The following NRCAM variants were observed in gnomAD, a reference collection of about 807,000 sequenced individuals.
NRCAM encodes NgCAM-related cell adhesion molecule.
A neutral mutation model predicts 156.5 loss-of-function variants in NRCAM; 83 were observed. The ratio of observed to expected loss-of-function variants is 0.53; its 90% CI spans 0.44 to 0.64. The LOEUF (loss-of-function observed/expected upper bound fraction) is 0.64, where lower values mean the gene tolerates loss of function less well. Ranked by LOEUF, NRCAM falls within the 30% of genes least tolerant of loss-of-function variation. The pLI is 0.00. For missense variants in NRCAM, 1,417 were observed against 1,597.3 expected, an observed-to-expected ratio of 0.89 and a Z score of 1.92; for synonymous variants, 538 against 563.9, an observed-to-expected ratio of 0.95 and a Z score of 0.65.
At chr7:108,223,548 T>A (rs2092840653) in intron 11 of NRCAM, among the ~76,000 whole-genome samples, 177 bp downstream of exon 11, 1 of 152,200 alleles carries the variant, frequency 6.6e-6, no homozygotes, top group African/African-American at 2.4e-5. Context: ...ATTAAAAAAA[T>A]TATAACAATA....
chr7:108,444,645 T>G (rs539747295), intron 1 of NRCAM, among the ~76,000 whole-genome samples: 1 of 151,926 alleles, frequency 6.6e-6, no homozygotes, highest in South Asian at 2.1e-4. Flanking sequence ...TGTAGATCTC[T>G]GTCTTCATTT....
intron 20 of NRCAM, among the ~76,000 whole-genome samples, chr7:108,185,423 G>A (rs1164814040): frequency 2.0e-5 from 3 of 152,128 alleles, no homozygotes; most frequent in Non-Finnish European, 4.4e-5. Flanking sequence ...CCACACAATG[G>A]AATACTCTGA....
intron 2 of NRCAM, among the ~76,000 whole-genome samples, chr7:108,347,039 T>TG (rs1182415381): frequency 8.1e-5 from 11 of 135,680 alleles, no homozygotes; most frequent in African/African-American, 2.4e-4. Flanking sequence ...TCTGTTTTTT[T>TG]TTTTTTTTTT....
intron 28 of NRCAM, among the ~76,000 whole-genome samples, chr7:108,171,778 A>G (rs982033227): frequency 1.3e-5 from 2 of 152,176 alleles, no homozygotes; most frequent in African/African-American, 2.4e-5. Context: ...CTTTATACAC[A>G]GCTTCTTAAA....
At chr7:108,337,756 G>GGGAAGCGGCCTGCCACCATCTT (rs1426145967) in intron 2 of NRCAM, among the ~76,000 whole-genome samples, 1 of 151,452 alleles carries the variant, frequency 6.6e-6, no homozygotes, top group East Asian at 1.9e-4. Context: ...GCCACCATCT[G>GGGAAGCGGCCTGCCACCATCTT]GGAAGCGGCC....
In NRCAM at chr7:108,191,721, G is replaced by A. The variant is rs773199557; in HGVS notation, c.1903+8C>T. On this transcript the variant is annotated splice_region_variant and intron_variant, in intron 18 of 32. Coordinates refer to ENST00000379028, the MANE Select transcript of NRCAM (RefSeq NM_001037132.4). ...AGCCAGTTGTGCTATTTTTGTTTTC[G>A]TTCTTACCAACAACGCTAAGCACAG... The A allele has an allele frequency of 5.1e-6, 8 of 1,575,746 alleles. No individual in the cohort carries two copies. The highest frequency in any genetic ancestry group is 1.7e-4 in the Middle Eastern group (1 of 5,900).
intron 30 of NRCAM, among the ~76,000 whole-genome samples, chr7:108,164,540 G>T (rs555818881): frequency 3.5e-5 from 1 of 28,614 alleles, no homozygotes; most frequent in South Asian, 1.4e-3. Flanking sequence ...TCCTTACACC[G>T]CGGAACCGAG....
At chr7:108,335,136 T>G (rs1346258513) in intron 2 of NRCAM, among the ~76,000 whole-genome samples, 1 of 152,154 alleles carries the variant, frequency 6.6e-6, no homozygotes, top group East Asian at 1.9e-4. Context: ...GCAAGAAAAT[T>G]ATGGAGCTGG....
At chr7:108,176,677 C>T (rs1248926531) in intron 26 of NRCAM, 71 bp from the exon 27 acceptor site, 33 of 1,184,236 alleles carry the variant, frequency 2.8e-5, no homozygotes, top group Non-Finnish European at 2.7e-5. Flanking sequence ...TAAATAAATA[C>T]GTCAACTAAA....
chr7:108,441,702 T>C (rs1838701113), intron 1 of NRCAM, among the ~76,000 whole-genome samples: 1 of 152,226 alleles, frequency 6.6e-6, no homozygotes, highest in African/African-American at 2.4e-5. Flanking sequence ...AGCCTCAGTT[T>C]CCTCATCTAT....
chr7:108,361,423 C>G (rs193115308), intron 2 of NRCAM, among the ~76,000 whole-genome samples: 1 of 152,184 alleles, frequency 6.6e-6, no homozygotes, highest in Non-Finnish European at 1.5e-5. Context: ...TAAAGCCGAT[C>G]GCCCTCCCTA....
intron 3 of NRCAM, among the ~76,000 whole-genome samples, chr7:108,255,180 G>C (rs767770706): frequency 0.14 from 9,853 of 69,994 alleles, 407 homozygotes; most frequent in African/African-American, 0.3. Flanking sequence ...TCCCCCCCCT[G>C]CCCCTCCCAC....
chr7:108,174,390 A>G (rs2059689304), intron 28 of NRCAM, among the ~76,000 whole-genome samples: 2 of 152,192 alleles, frequency 1.3e-5, no homozygotes, highest in South Asian at 4.1e-4. Flanking sequence ...GGCAAAGCAC[A>G]TTTTTCTCTT....
intron 2 of NRCAM, among the ~76,000 whole-genome samples, chr7:108,399,187 GTA>G (rs61550883): frequency 1.3e-5 from 2 of 151,982 alleles, no homozygotes; most frequent in South Asian, 2.1e-4. Flanking sequence ...GTGTGTGTGT[GTA>G]TGTTCAGATA....
chr7:108,435,899 G>A (rs1445633702), intron 1 of NRCAM, among the ~76,000 whole-genome samples: 1 of 152,218 alleles, frequency 6.6e-6, no homozygotes, highest in East Asian at 1.9e-4. Flanking sequence ...TTGGGAGGCC[G>A]AGGCGGGTGG....
Position 108,189,699 on chromosome 7 carries a change from T to G in NRCAM, c.1981A>C (p.Lys661Gln). Residue 661 changes from lysine to glutamine, a missense_variant, in exon 20 of 33, where the codon AAA becomes CAA. By Grantham distance (53) the Lys-to-Gln change is moderately conservative (BLOSUM62 1). Transcript: ENST00000379028. ...FDLELTDQLD[K>Q]SVQLSWTPGD... ...GGGGTCCATGACAGCTGAACACTTT[T>G]GTCAAGTTGATCTGTCAGTTCTAAG... is the stretch of plus-strand genomic sequence containing the variant. 1.9e-6 allele frequency: 3 copies of G among 1,563,292 alleles called. No homozygotes were observed. The highest frequency in any genetic ancestry group is 2.6e-6 in the Non-Finnish European group (3 of 1,136,000).
chr7:108,251,939 T>TA (rs544554367), intron 3 of NRCAM, among the ~76,000 whole-genome samples: 3 of 151,648 alleles, frequency 2.0e-5, no homozygotes, highest in African/African-American at 4.8e-5. Flanking sequence ...CAAGACTGTT[T>TA]AAAAAAAAAT....
intron 1 of NRCAM, among the ~76,000 whole-genome samples, chr7:108,427,874 CCAT>C (rs144038689): frequency 0.048 from 7,238 of 152,228 alleles, 520 homozygotes; most frequent in African/African-American, 0.16. Context: ...TATTTTACTA[CCAT>C]ATCTTATTTT....
At chr7:108,297,949 C>A (rs1708897178) in intron 3 of NRCAM, among the ~76,000 whole-genome samples, 2 of 152,104 alleles carry the variant, frequency 1.3e-5, no homozygotes, top group African/African-American at 2.4e-5. Context: ...ACAGAGGGAG[C>A]CTCGGTGAAA....
Sources: gnomAD v4.1 joint callset for allele counts (sites outside exome capture counted in the v4.1 genomes callset) on GRCh38, gnomAD v4.1.1 for gene constraint, MANE v1.5 for transcripts, NCBI Gene and HGNC (gene_info 2026-07-23, HGNC 2026-07-21) for gene names.